PAM: variants seen among roughly 807,000 people sequenced by gnomAD.
The protein encoded by PAM is peptidylglycine alpha-amidating monooxygenase.
A neutral mutation model predicts 122.1 loss-of-function variants in PAM; 72 were observed. The observed-to-expected ratio is 0.59, with a 90% CI of 0.49 to 0.72. PAM has a LOEUF of 0.72. Ranked by LOEUF, PAM falls within the 30% of genes least tolerant of loss-of-function variation. PAM has a pLI of 0.00. For synonymous variants in PAM, 389 were observed against 404.4 expected (o/e 0.96, Z 0.46); for missense variants, 1,106 against 1,183.7 (o/e 0.93, Z 0.96).
intron 3 of PAM, among the ~76,000 whole-genome samples, chr5:102,881,125 T>TACAC (rs1224315361): frequency 2.9e-5 from 2 of 69,058 alleles, no homozygotes; most frequent in South Asian, 1.4e-3. Context: ...ATAATTTTTA[T>TACAC]ACATACACAC....
rs150383874 is a variant in PAM, at chr5:102,928,007, A to T, written c.526+1339A>T. 1.8e-3 allele frequency among the ~76,000 whole-genome samples: 269 copies of T among 152,290 alleles called. 7 individuals are homozygous for T. The highest frequency in any genetic ancestry group is 4.8e-3 in the East Asian group (25 of 5,176). ...AAAGACAGAGATTATCTGCTCTAAA[A>T]ATTGACCATGCTGGTTTCAGTAGAA... is the stretch of plus-strand genomic sequence containing the variant. On this transcript the variant is annotated intron_variant, in intron 7 of 25. Coordinates refer to ENST00000438793, the MANE Select transcript of PAM (RefSeq NM_001177306.2).
chr5:102,853,029 A>C (rs1243824031), intron 1 of PAM, among the ~76,000 whole-genome samples: 1 of 152,228 alleles, frequency 6.6e-6, no homozygotes, highest in Non-Finnish European at 1.5e-5. Context: ...TTCCAGAAAC[A>C]TCCAGCCACT....
chr5:102,864,364 G>GC (rs1388566772), intron 1 of PAM, among the ~76,000 whole-genome samples: 4 of 151,934 alleles, frequency 2.6e-5, no homozygotes, highest in African/African-American at 4.8e-5. Context: ...GTTTCTGAAA[G>GC]CCCAAACAGC....
At chr5:102,905,031 A>G (rs115082990) in intron 4 of PAM, among the ~76,000 whole-genome samples, 194 of 151,780 alleles carry the variant, frequency 1.3e-3, no homozygotes, top group African/African-American at 4.5e-3. Flanking sequence ...AAGAACTGCA[A>G]TGATGAAGAT....
At chr5:102,988,716 A>AAAAG (rs71620673) in intron 15 of PAM, among the ~76,000 whole-genome samples, 7,773 of 146,462 alleles carry the variant, frequency 0.053, 310 homozygotes, top group African/African-American at 0.091. Context: ...AGAAAGAAAG[A>AAAAG]AAAGAAAAAA....
intron 15 of PAM, among the ~76,000 whole-genome samples, chr5:102,981,332 A>C (rs1769752315): frequency 6.6e-6 from 1 of 152,258 alleles, no homozygotes; most frequent in African/African-American, 2.4e-5. Context: ...CCCAGTACCT[A>C]GTTGGCAGGC....
At chr5:102,790,155 A>G (rs1761679876) in intron 1 of PAM, among the ~76,000 whole-genome samples, 1 of 152,098 alleles carries the variant, frequency 6.6e-6, no homozygotes, top group African/African-American at 2.4e-5. Flanking sequence ...CTTAACTGCA[A>G]CTCTTAAAGT....
intron 3 of PAM, among the ~76,000 whole-genome samples, chr5:102,884,024 C>T (rs927753659): frequency 6.6e-6 from 1 of 151,518 alleles, no homozygotes; most frequent in Non-Finnish European, 1.5e-5. Flanking sequence ...TAAGTGTGAT[C>T]CTATCTTAAT....
intron 1 of PAM, among the ~76,000 whole-genome samples, chr5:102,846,622 C>T (rs1319838162): frequency 2.6e-5 from 4 of 152,290 alleles, no homozygotes; most frequent in East Asian, 1.9e-4. Context: ...AAAGAGCAGG[C>T]CACTTCATGG....
rs1754493642 is a variant in PAM, at chr5:102,939,799, A to G, written c.527-7038A>G. 2.0e-5 allele frequency among the ~76,000 whole-genome samples: 3 copies of G among 152,066 alleles called. No homozygotes were observed. In the South Asian group the frequency reaches 6.2e-4, roughly 32 times the overall value. ...TATGTAAATTAGATACTTTGGATTTATTTTTTCACCAAGGAACCAAAACAC... is the reference window on the plus strand; with the variant it reads ...TATGTAAATTAGATACTTTGGATTTGTTTTTTCACCAAGGAACCAAAACAC... On this transcript the variant is annotated intron_variant, in intron 7 of 25. Coordinates refer to ENST00000438793, the MANE Select transcript of PAM (RefSeq NM_001177306.2).
chr5:102,893,420 TG>T (rs1041299590), intron 3 of PAM, among the ~76,000 whole-genome samples: 16 of 151,856 alleles, frequency 1.1e-4, no homozygotes, highest in African/African-American at 3.9e-4. Context: ...GAACCAAATA[TG>T]ATTTATGTGG....
chr5:102,780,426 T>A (rs967133989), intron 1 of PAM, among the ~76,000 whole-genome samples: 1 of 152,194 alleles, frequency 6.6e-6, no homozygotes, highest in Non-Finnish European at 1.5e-5. Flanking sequence ...TAAGGGGTTT[T>A]AAACCATGTA....
intron 1 of PAM, among the ~76,000 whole-genome samples, chr5:102,765,727 GT>G (rs543608585): frequency 8.4e-4 from 128 of 152,318 alleles, no homozygotes; most frequent in African/African-American, 2.9e-3. Context: ...GAGAGAACCT[GT>G]TCTGATAGCC....
intron 21 of PAM, among the ~76,000 whole-genome samples, chr5:103,015,386 G>C (rs1206645484): frequency 6.6e-6 from 1 of 152,132 alleles, no homozygotes; most frequent in Non-Finnish European, 1.5e-5. Context: ...TCCAGGCTTT[G>C]TCACCAGATG....
chr5:102,796,679 A>C (rs760454132), intron 1 of PAM, among the ~76,000 whole-genome samples: 7 of 152,204 alleles, frequency 4.6e-5, no homozygotes, highest in Non-Finnish European at 8.8e-5. Flanking sequence ...TCGTTTGCTC[A>C]TCACATTCAG....
chr5:102,957,495 T>C (rs1014555854), intron 12 of PAM, among the ~76,000 whole-genome samples: 3 of 152,046 alleles, frequency 2.0e-5, no homozygotes, highest in Admixed American at 2.0e-4. Flanking sequence ...TTTGTTCATA[T>C]GGTAAGATTT....
intron 3 of PAM, among the ~76,000 whole-genome samples, chr5:102,878,425 A>G (rs1464575355): frequency 6.6e-6 from 1 of 152,204 alleles, no homozygotes; most frequent in Non-Finnish European, 1.5e-5. Context: ...ATAATGAACG[A>G]CTATGTTACT....
intron 4 of PAM, among the ~76,000 whole-genome samples, chr5:102,902,097 A>ATC (rs1798125095): frequency 6.6e-6 from 1 of 151,586 alleles, no homozygotes; most frequent in South Asian, 2.1e-4. Flanking sequence ...TGATTGGCAA[A>ATC]TTATTCATGT....
At position 102,924,796 on chromosome 5, in the gene PAM, G is replaced by C. The variant is rs569821931; in HGVS notation, c.357-161G>C. Reference sequence around the variant, plus strand: ...TTTTTTCACACAGTAATAGTTCTTTGCTCCAGTCTTTATTCGGATCTTAAA... The same window carrying C: ...TTTTTTCACACAGTAATAGTTCTTTCCTCCAGTCTTTATTCGGATCTTAAA... On this transcript the variant is annotated intron_variant, in intron 5 of 25. Transcript: ENST00000438793. Among the ~76,000 whole-genome samples the C allele has an allele frequency of 3.3e-5, 5 of 149,738 alleles. No individual in the cohort carries two copies. In the South Asian group the frequency reaches 1.1e-3, roughly 32 times the overall value.
Sources: allele counts gnomAD v4.1 joint callset (sites outside exome capture counted in the v4.1 genomes callset), GRCh38; gene constraint gnomAD v4.1.1; transcripts MANE v1.5; gene names NCBI Gene and HGNC (gene_info 2026-07-23, HGNC 2026-07-21).